Variants in AGBL4 observed in about 807,000 individuals in gnomAD.
The protein encoded by AGBL4 is cytosolic carboxypeptidase 6.
Under a neutral mutation model 66.4 loss-of-function variants are expected in AGBL4, and 58 were observed. The ratio of observed to expected loss-of-function variants is 0.87; its 90% CI spans 0.71 to 1.09. The LOEUF is 1.09. Ranked by LOEUF, AGBL4 falls within the 50% of genes least tolerant of loss-of-function variation. The pLI is 0.00. For missense variants in AGBL4, 579 were observed against 631.0 expected (o/e 0.92, Z 0.88); for synonymous variants, 234 against 222.9 (o/e 1.05, Z -0.44).
chr1:48,766,818 C>T (rs1644554891), intron 6 of AGBL4, among the ~76,000 whole-genome samples: 1 of 152,182 alleles, frequency 6.6e-6, no homozygotes, highest in East Asian at 1.9e-4. Context: ...AGTCCCAAGT[C>T]CTCTGCTCAT....
At chr1:49,385,568 T>G (rs995889675) in intron 3 of AGBL4, among the ~76,000 whole-genome samples, 2 of 152,106 alleles carry the variant, frequency 1.3e-5, no homozygotes, top group African/African-American at 4.8e-5. Flanking sequence ...TTATTTTAAT[T>G]ATTGGTTACA....
At chr1:49,014,219 A>G (rs1308162429) in intron 5 of AGBL4, among the ~76,000 whole-genome samples, 1 of 152,244 alleles carries the variant, frequency 6.6e-6, no homozygotes, top group Non-Finnish European at 1.5e-5. Context: ...CATTTCTGAA[A>G]GCCTGACTGG....
At chr1:49,559,997 C>T (rs1482024749) in intron 3 of AGBL4, among the ~76,000 whole-genome samples, 1 of 152,014 alleles carries the variant, frequency 6.6e-6, no homozygotes, top group Non-Finnish European at 1.5e-5. Context: ...GAAAGCCTTC[C>T]CAAGAAGGAC....
intron 4 of AGBL4, among the ~76,000 whole-genome samples, chr1:49,208,606 C>G (rs368913278): frequency 6.6e-6 from 1 of 152,092 alleles, no homozygotes; most frequent in Non-Finnish European, 1.5e-5. Context: ...TTGTCTAACA[C>G]AGAGGGGATC....
In AGBL4 at chr1:49,095,128, G is replaced by A. The variant is rs183287337; in HGVS notation, c.378-49328C>T. 2.3e-3 allele frequency among the ~76,000 whole-genome samples: 350 copies of A among 152,212 alleles called. 3 individuals carry two copies. The highest frequency in any genetic ancestry group is 2.8e-3 in the Admixed American group (43 of 15,282). ...AATATCTAGGAATCCAACTTACAAGGGATGTGAAGGACCTCTTTAAGGAGA... is the reference window on the plus strand; with the variant it reads ...AATATCTAGGAATCCAACTTACAAGAGATGTGAAGGACCTCTTTAAGGAGA... On this transcript the variant is annotated intron_variant, in intron 4 of 13. Coordinates refer to ENST00000371839, the MANE Select transcript of AGBL4 (RefSeq NM_032785.4).
chr1:48,721,652 C>G (rs751577215), intron 6 of AGBL4, among the ~76,000 whole-genome samples: 1 of 152,212 alleles, frequency 6.6e-6, no homozygotes, highest in Non-Finnish European at 1.5e-5. Flanking sequence ...CCCATTTCAG[C>G]ACTGCCCAGA....
intron 6 of AGBL4, among the ~76,000 whole-genome samples, chr1:48,790,640 A>G (rs1645527738): frequency 6.6e-6 from 1 of 152,224 alleles, no homozygotes. Flanking sequence ...TGCCCCTCAA[A>G]GTTCATGGGT....
intron 3 of AGBL4, among the ~76,000 whole-genome samples, chr1:49,524,580 G>C (rs939499747): frequency 1.6e-4 from 24 of 151,920 alleles, no homozygotes; most frequent in Non-Finnish European, 2.9e-5. Flanking sequence ...ATCTCTGCAG[G>C]GCCTTAAATA....
intron 6 of AGBL4, among the ~76,000 whole-genome samples, chr1:48,789,636 T>C (rs959174689): frequency 3.3e-5 from 5 of 152,138 alleles, no homozygotes; most frequent in African/African-American, 1.2e-4. Context: ...GGTACTTGAA[T>C]GGAAAATCCA....
intron 6 of AGBL4, among the ~76,000 whole-genome samples, chr1:48,777,689 G>T (rs1441913850): frequency 6.6e-6 from 1 of 152,070 alleles, no homozygotes. Flanking sequence ...TCTCATCTGA[G>T]GGAGCAGTGG....
At chr1:49,025,148 C>T (rs749598114) in intron 5 of AGBL4, among the ~76,000 whole-genome samples, 5 of 152,184 alleles carry the variant, frequency 3.3e-5, no homozygotes, top group African/African-American at 7.2e-5. Flanking sequence ...CTGCCTTGAA[C>T]GTACTCAGTT....
At chr1:49,008,800 GC>G (rs1351038969) in intron 5 of AGBL4, among the ~76,000 whole-genome samples, 1 of 150,522 alleles carries the variant, frequency 6.6e-6, no homozygotes, top group African/African-American at 2.4e-5. Flanking sequence ...CGAAATGAAG[GC>G]AGAAATAAAG....
rs1046482358 is a variant in AGBL4 at position 48,928,410 on chromosome 1, G to T, written c.595-61180C>A. On this transcript the variant is annotated intron_variant, in intron 5 of 13. Transcript: ENST00000371839. ...TGTATTCCTGGAAGAAAATAGTTGG[G>T]TCAGATGGATCTGGGGCTCACTTTA... Among the ~76,000 whole-genome samples, 15 of 152,278 alleles carry T rather than the reference G, an allele frequency of 9.9e-5. 1 individual carries two copies. Among genetic ancestry groups the T allele is most frequent in the African/African-American group, 3.4e-4 (14 of 41,550 alleles).
At chr1:49,250,928 A>G (rs893157505) in intron 3 of AGBL4, among the ~76,000 whole-genome samples, 9 of 152,212 alleles carry the variant, frequency 5.9e-5, no homozygotes, top group African/African-American at 2.2e-4. Context: ...GGTTTGGTGC[A>G]GGGGCATCTG....
intron 7 of AGBL4, among the ~76,000 whole-genome samples, chr1:48,662,053 A>T (rs917697841): frequency 1.3e-5 from 2 of 152,226 alleles, no homozygotes; most frequent in South Asian, 2.1e-4. Context: ...CCATCTTCTC[A>T]TCTGAAATAA....
chr1:49,571,534 C>T (rs1644330880), intron 3 of AGBL4, among the ~76,000 whole-genome samples: 1 of 152,060 alleles, frequency 6.6e-6, no homozygotes, highest in South Asian at 2.1e-4. Flanking sequence ...GATAATTTGA[C>T]TTCCTCTATA....
At chr1:48,923,689 G>A (rs1386228218) in intron 5 of AGBL4, among the ~76,000 whole-genome samples, 1 of 152,118 alleles carries the variant, frequency 6.6e-6, no homozygotes, top group Non-Finnish European at 1.5e-5. Flanking sequence ...TGTGTGCTCA[G>A]CATCCATGAT....
intron 3 of AGBL4, among the ~76,000 whole-genome samples, chr1:49,335,546 C>G (rs985567951): frequency 6.6e-6 from 1 of 151,458 alleles, no homozygotes; most frequent in Non-Finnish European, 1.5e-5. Context: ...GATGGAGTCT[C>G]GCTCTGTTGC....
At position 48,819,597 on chromosome 1, in the gene AGBL4, C is replaced by A. The variant is rs188539997; in HGVS notation, c.634+47594G>T. Among the ~76,000 whole-genome samples, 150 of 152,234 alleles carry A rather than the reference C, an allele frequency of 9.9e-4. 1 individual carries two copies. The highest frequency in any genetic ancestry group is 3.4e-3 in the Middle Eastern group (1 of 294). The stretch of plus-strand genomic sequence containing the variant: ...CAATTTGGGGACTACAGCAGTAGTT[C>A]TGGTGAAAGTTGCAAAGTGTGAACC... On this transcript the variant is annotated intron_variant, in intron 6 of 13. Transcript: ENST00000371839.
Sources: allele counts gnomAD v4.1 joint callset (sites outside exome capture counted in the v4.1 genomes callset), GRCh38; gene constraint gnomAD v4.1.1; transcripts MANE v1.5; gene names NCBI Gene and HGNC (gene_info 2026-07-23, HGNC 2026-07-21).